DRC5: variants seen among roughly 807,000 people sequenced by gnomAD.
DRC5 encodes T-complex-associated testis-expressed protein 1.
At chr6:44,295,164 A>T in the DRC5 span, among the ~76,000 whole-genome samples, 3 of 152,224 alleles carry the variant, frequency 2.0e-5, no homozygotes. Flanking sequence ...AGCATGTTCA[A>T]GACTCCAGTC....
chr6:44,283,049 G>A, the DRC5 span, among the ~76,000 whole-genome samples: 1 of 152,012 alleles, frequency 6.6e-6, no homozygotes, highest in Non-Finnish European at 1.5e-5. Flanking sequence ...TGATCCACCC[G>A]CCTCAGCCTC....
the DRC5 span, chr6:44,278,867 C>CTA: frequency 2.3e-4 from 15 of 64,172 alleles, no homozygotes; most frequent in African/African-American, 5.7e-4. Context: ...GCAGCTGTGG[C>CTA]TATACACACA....
chr6:44,279,692 A>G, the DRC5 span: 7 of 155,398 alleles, frequency 4.5e-5, no homozygotes, highest in African/African-American at 1.7e-4. Flanking sequence ...AGGGAAATGC[A>G]TCTACAGGGA....
the DRC5 span, among the ~76,000 whole-genome samples, chr6:44,285,105 A>G: frequency 6.6e-6 from 1 of 152,104 alleles, no homozygotes; most frequent in Non-Finnish European, 1.5e-5. Flanking sequence ...TAGAGCCTGT[A>G]TGCACTGCTC....
At chr6:44,280,058 A>C in the DRC5 span, 13 of 858,550 alleles carry the variant, frequency 1.5e-5, no homozygotes, top group African/African-American at 2.2e-4. Context: ...ACCCTTGATC[A>C]CTCCAAGGTT....
chr6:44,282,127 A>G, the DRC5 span: 1 of 1,612,890 alleles, frequency 6.2e-7, no homozygotes, highest in Non-Finnish European at 8.5e-7. Flanking sequence ...ATGTGGTTGC[A>G]GGACAGGTTG....
the DRC5 span, chr6:44,280,080 C>T: frequency 9.1e-7 from 1 of 1,094,602 alleles, no homozygotes; most frequent in Non-Finnish European, 1.4e-6. Context: ...TTCACAGTCC[C>T]CCTCCCCGCT....
At chr6:44,292,071 TAGCCTTCACAC>T in the DRC5 span, among the ~76,000 whole-genome samples, 1 of 152,212 alleles carries the variant, frequency 6.6e-6, no homozygotes, top group Non-Finnish European at 1.5e-5. Flanking sequence ...CTCTCACATC[TAGCCTTCACAC>T]AGCCGCTGTG....
the DRC5 span, among the ~76,000 whole-genome samples, chr6:44,288,201 G>T: frequency 6.6e-6 from 1 of 152,156 alleles, no homozygotes; most frequent in Non-Finnish European, 1.5e-5. Flanking sequence ...GCAAGGAGCA[G>T]CCCCAAATTT....
chr6:44,295,021 G>C, the DRC5 span, among the ~76,000 whole-genome samples: 1 of 152,192 alleles, frequency 6.6e-6, no homozygotes, highest in African/African-American at 2.4e-5. Context: ...GGGGCCCCGG[G>C]CACATGGACA....
At chr6:44,282,244 T>G in the DRC5 span, 1 of 1,614,218 alleles carries the variant, frequency 6.2e-7, no homozygotes, top group Non-Finnish European at 8.5e-7. Flanking sequence ...CACTTGTTGG[T>G]CTGCAAGGCA....
chr6:44,282,060 G>A, the DRC5 span: 280 of 1,542,356 alleles, frequency 1.8e-4, no homozygotes, highest in African/African-American at 3.5e-3. Flanking sequence ...AAGTACCCCT[G>A]GCAGTTGGAT....
the DRC5 span, chr6:44,285,981 C>A: frequency 5.1e-5 from 82 of 1,613,446 alleles, no homozygotes; most frequent in South Asian, 6.5e-4. Flanking sequence ...GTGTGGCATG[C>A]CTTGATGGCG....
the DRC5 span, among the ~76,000 whole-genome samples, chr6:44,291,302 C>T: frequency 1.3e-5 from 2 of 152,140 alleles, no homozygotes; most frequent in African/African-American, 2.4e-5. Flanking sequence ...TTTTGGCAGG[C>T]AAATTATTAC....
At chr6:44,294,971 C>T in the DRC5 span, among the ~76,000 whole-genome samples, 2 of 152,104 alleles carry the variant, frequency 1.3e-5, no homozygotes, top group African/African-American at 4.8e-5. Flanking sequence ...GCACTATCTT[C>T]CCTGGGAGCC....
chr6:44,286,554 C>T, the DRC5 span: 247 of 1,588,976 alleles, frequency 1.6e-4, no homozygotes, highest in African/African-American at 2.8e-3. Context: ...GAGGAAGGAG[C>T]GCAGGGGGTC....
At chr6:44,290,407 G>C in the DRC5 span, among the ~76,000 whole-genome samples, 1 of 152,144 alleles carries the variant, frequency 6.6e-6, no homozygotes, top group Admixed American at 6.5e-5. Flanking sequence ...GGAGAGTGAA[G>C]GTACTATGAG....
the DRC5 span, among the ~76,000 whole-genome samples, chr6:44,289,001 A>AAAAAAAAAG: frequency 1.2e-3 from 147 of 125,018 alleles, 7 homozygotes; most frequent in Non-Finnish European, 2.2e-3. Context: ...CTCAAAAAAA[A>AAAAAAAAAG]AAAAAAAAAA....
the DRC5 span, chr6:44,288,005 A>C: frequency 1.4e-6 from 1 of 715,852 alleles, no homozygotes; most frequent in Non-Finnish European, 2.2e-6. Flanking sequence ...ATAGTGCTTA[A>C]CGATCAGTCC....
Sources: gnomAD v4.1 joint callset for allele counts (sites outside exome capture counted in the v4.1 genomes callset) on GRCh38, gnomAD v4.1.1 for gene constraint, MANE v1.5 for transcripts, NCBI Gene and HGNC (gene_info 2026-07-23, HGNC 2026-07-21) for gene names.